Variants in SRGAP2 observed in about 807,000 individuals in gnomAD.
SRGAP2 encodes the protein SLIT-ROBO Rho GTPase activating protein 2.
In SRGAP2, 15 loss-of-function variants were observed where a neutral mutation model predicts 57.2. The observed-to-expected ratio is 0.26, with a 90% confidence interval of 0.18 to 0.40. The LOEUF (loss-of-function observed/expected upper bound fraction) is 0.40. Among genes scored for constraint, SRGAP2 ranks in the 10% least tolerant of loss-of-function variants. The pLI is 1.00. For synonymous variants in SRGAP2, 249 were observed against 248.0 expected (o/e 1.00, Z -0.04); for missense variants, 520 against 669.6 (o/e 0.78, Z 2.47).
At chr1:206,301,864 G>A (rs1302209190) in intron 2 of SRGAP2, among the ~76,000 whole-genome samples, 1 of 151,652 alleles carries the variant, frequency 6.6e-6, no homozygotes, top group African/African-American at 2.4e-5. Context: ...GTGGAGCCTC[G>A]ACTACTTTAA....
intron 2 of SRGAP2, among the ~76,000 whole-genome samples, chr1:206,284,892 A>G (rs1670934630): frequency 6.6e-6 from 1 of 152,230 alleles, no homozygotes; most frequent in Non-Finnish European, 1.5e-5. Context: ...CTAGATAATG[A>G]TGTTTATTAG....
chr1:206,397,211 T>C (rs1261819570), intron 7 of SRGAP2, among the ~76,000 whole-genome samples: 1 of 152,060 alleles, frequency 6.6e-6, no homozygotes, highest in Non-Finnish European at 1.5e-5. Context: ...CTGGCATCTT[T>C]TGTCAGCATG....
chr1:206,442,359 C>T (rs782645198), intron 17 of SRGAP2, among the ~76,000 whole-genome samples: 3 of 152,224 alleles, frequency 2.0e-5, no homozygotes, highest in Non-Finnish European at 2.9e-5. Flanking sequence ...TAATTACTCT[C>T]GAGTTAGTCC....
At position 206,458,743 on chromosome 1, in the gene SRGAP2, C is replaced by A; in HGVS notation, c.2628C>A (p.Ser876=). ...GGGTGGGGGCTAGCTGCCGCCCATCCTCCCAGCCCATCATGAGCCAGAGCC... is the reference window on the plus strand; with the variant it reads ...GGGTGGGGGCTAGCTGCCGCCCATCATCCCAGCCCATCATGAGCCAGAGCC... ...SPGVGASCRP[S]SQPIMSQSLP... Residue 876 remains serine (S), a synonymous_variant, in exon 22 of 23, where the codon TCC becomes TCA. Coordinates refer to ENST00000573034, the MANE Select transcript of SRGAP2 (RefSeq NM_015326.5). 1 of 780,778 alleles carries A rather than the reference C, an allele frequency of 1.3e-6. No homozygotes were observed. Among genetic ancestry groups the A allele is most frequent in the South Asian group, 1.3e-5 (1 of 74,582 alleles). 48.4% of individuals were successfully genotyped at this position (780,778 alleles called of 1,614,324 possible).
At chr1:206,426,711 G>GATTAGTGAC (rs1334549894) in intron 13 of SRGAP2, among the ~76,000 whole-genome samples, 4 of 152,136 alleles carry the variant, frequency 2.6e-5, no homozygotes, top group Non-Finnish European at 5.9e-5. Context: ...CATTTCTTAT[G>GATTAGTGAC]ATTAGTGACA....
chr1:206,209,684 G>A (rs1368003187), intron 2 of SRGAP2, among the ~76,000 whole-genome samples: 1 of 151,014 alleles, frequency 6.6e-6, no homozygotes, highest in Non-Finnish European at 1.5e-5. Context: ...TTCATATGTA[G>A]TTGTCCGTCA....
intron 13 of SRGAP2, among the ~76,000 whole-genome samples, chr1:206,429,378 G>A (rs1661093802): frequency 6.6e-6 from 1 of 152,246 alleles, no homozygotes; most frequent in Admixed American, 6.5e-5. Context: ...CACCTCTTAT[G>A]TGAGAGCATC....
In SRGAP2 at chr1:206,414,037, T is replaced by C. The variant is rs531868960; in HGVS notation, c.1357-1852T>C. Among the ~76,000 whole-genome samples, 12 of 149,838 alleles carry C rather than the reference T, an allele frequency of 8.0e-5. No individual in the cohort carries two copies. In the South Asian group the frequency reaches 1.1e-3, roughly 13 times the overall value. Reference sequence around the variant, plus strand: ...ACTTTTCTTTTCTTTTTCTTTCTTTTTTTTTTTTTTTTGAGACAGAGTCTT... The same window carrying C: ...ACTTTTCTTTTCTTTTTCTTTCTTTCTTTTTTTTTTTTGAGACAGAGTCTT... On this transcript the variant is annotated intron_variant, in intron 10 of 22. Transcript: ENST00000573034.
At chr1:206,258,115 C>G (rs1311806387) in intron 2 of SRGAP2, among the ~76,000 whole-genome samples, 3 of 151,694 alleles carry the variant, frequency 2.0e-5, no homozygotes, top group African/African-American at 7.3e-5. Context: ...GGGAAGGAAT[C>G]TGGATTAATT....
At chr1:206,429,829 G>C (rs186354166) in intron 13 of SRGAP2, among the ~76,000 whole-genome samples, 1,919 of 152,266 alleles carry the variant, frequency 0.013, 24 homozygotes, top group South Asian at 0.026. Flanking sequence ...GGGCAGTTGA[G>C]ATAGAGAGAA....
chr1:206,263,872 A>T (rs1669720112), intron 2 of SRGAP2, among the ~76,000 whole-genome samples: 1 of 151,650 alleles, frequency 6.6e-6, no homozygotes, highest in African/African-American at 2.4e-5. Context: ...CAAAGAGGCT[A>T]TGAGAAGGAA....
intron 5 of SRGAP2, among the ~76,000 whole-genome samples, chr1:206,384,610 T>C (rs1267169622): frequency 6.6e-6 from 1 of 152,136 alleles, no homozygotes; most frequent in Non-Finnish European, 1.5e-5. Context: ...TGGAGTTTTA[T>C]AAAGCCAAAC....
intron 4 of SRGAP2, among the ~76,000 whole-genome samples, chr1:206,369,753 GAA>G (rs1371210647): frequency 6.6e-6 from 1 of 151,904 alleles, no homozygotes; most frequent in African/African-American, 2.4e-5. Flanking sequence ...GAAAAGGAAA[GAA>G]GAGTTTTGGA....
intron 2 of SRGAP2, among the ~76,000 whole-genome samples, chr1:206,288,440 CT>C (rs1671129786): frequency 9.8e-6 from 1 of 102,414 alleles, no homozygotes; most frequent in Non-Finnish European, 2.0e-5. Context: ...TTTGTTGTTT[CT>C]TTTTTTGCCT....
At chr1:206,237,282 CCT>C (rs1246302477) in intron 2 of SRGAP2, among the ~76,000 whole-genome samples, 1 of 151,998 alleles carries the variant, frequency 6.6e-6, no homozygotes, top group East Asian at 1.9e-4. Context: ...AGAGTGAGAC[CCT>C]GTCTCAGAGG....
intron 2 of SRGAP2, among the ~76,000 whole-genome samples, chr1:206,252,977 C>A (rs1340106332): frequency 4.3e-5 from 6 of 139,108 alleles, no homozygotes; most frequent in African/African-American, 1.7e-4. Context: ...TTCCTGGCAG[C>A]CGGCATTGCT....
intron 2 of SRGAP2, among the ~76,000 whole-genome samples, chr1:206,264,121 G>A (rs1245072477): frequency 6.6e-6 from 1 of 152,092 alleles, no homozygotes; most frequent in Admixed American, 6.5e-5. Flanking sequence ...ACTCATTAGT[G>A]TCCCGCTGGG....
At chr1:206,419,499 T>C (rs1553363556) in intron 12 of SRGAP2, 99 bp downstream of exon 12, 3 of 761,384 alleles carry the variant, frequency 3.9e-6, no homozygotes, top group Admixed American at 1.8e-5. Context: ...TGTAAAGGCA[T>C]TGAATGACTT....
chr1:206,445,453 C>G (rs2336938), intron 17 of SRGAP2, among the ~76,000 whole-genome samples: 5 of 152,060 alleles, frequency 3.3e-5, no homozygotes, highest in Non-Finnish European at 7.4e-5. Context: ...ATGTAATAAT[C>G]TAGAAGGAGA....
Sources: allele counts gnomAD v4.1 joint callset (sites outside exome capture counted in the v4.1 genomes callset), GRCh38; gene constraint gnomAD v4.1.1; transcripts MANE v1.5; gene names NCBI Gene and HGNC (gene_info 2026-07-23, HGNC 2026-07-21).